NEIL3: variants seen among roughly 807,000 people sequenced by gnomAD.
NEIL3 encodes nei like DNA glycosylase 3, also known as endonuclease 8-like 3.
A neutral mutation model predicts 57.5 loss-of-function variants in NEIL3; 48 were observed. The ratio of observed to expected loss-of-function variants is 0.83; its 90% CI spans 0.66 to 1.06. NEIL3 has a LOEUF of 1.06. Ranked by LOEUF, NEIL3 falls within the 50% of genes least tolerant of loss-of-function variation. The probability of loss-of-function intolerance (pLI) is 0.00; values close to 1 mark genes in which losing one functional copy is unlikely to be tolerated. For synonymous variants in NEIL3, 261 were observed against 253.2 expected (o/e 1.03, Z -0.29); for missense variants, 717 against 739.1 (o/e 0.97, Z 0.35).
At chr4:177,313,919 A>G (rs1734522313) in intron 1 of NEIL3, among the ~76,000 whole-genome samples, 1 of 152,186 alleles carries the variant, frequency 6.6e-6, no homozygotes, top group Non-Finnish European at 1.5e-5. Context: ...GAGAATGTGT[A>G]TATTTTGTTG....
At chr4:177,356,178 CT>C (rs1341348038) in intron 8 of NEIL3, among the ~76,000 whole-genome samples, 1 of 152,120 alleles carries the variant, frequency 6.6e-6, no homozygotes, top group East Asian at 1.9e-4. Context: ...GATGAAATAT[CT>C]TGGCATATTT....
At chr4:177,347,081 G>A (rs1477026451) in intron 6 of NEIL3, among the ~76,000 whole-genome samples, 1 of 152,098 alleles carries the variant, frequency 6.6e-6, no homozygotes, top group Non-Finnish European at 1.5e-5. Context: ...GTGGTGATTA[G>A]TGTTCTCAAG....
At chr4:177,328,891 T>C (rs1578992152) in intron 2 of NEIL3, among the ~76,000 whole-genome samples, 1 of 152,012 alleles carries the variant, frequency 6.6e-6, no homozygotes, top group Admixed American at 6.5e-5. Flanking sequence ...GATAGGAAAA[T>C]GATGGTACAC....
the NEIL3 span, among the ~76,000 whole-genome samples, chr4:177,370,153 A>T: frequency 1.3e-5 from 2 of 152,216 alleles, no homozygotes; most frequent in Non-Finnish European, 2.9e-5. Flanking sequence ...GAGACATCAA[A>T]AATTTAGAAA....
chr4:177,329,062 G>C (rs961943463), intron 2 of NEIL3, among the ~76,000 whole-genome samples: 2 of 152,022 alleles, frequency 1.3e-5, no homozygotes, highest in East Asian at 1.9e-4. Context: ...GTATCACAGT[G>C]TAAGATGTGT....
At chr4:177,348,456 T>C (rs553750965) in intron 6 of NEIL3, among the ~76,000 whole-genome samples, 1 of 152,188 alleles carries the variant, frequency 6.6e-6, no homozygotes, top group South Asian at 2.1e-4. Context: ...TCCTCAAGCC[T>C]CAGGGCAGAG....
At chr4:177,353,932 A>G in intron 8 of NEIL3, 2 of 518,880 alleles carry the variant, frequency 3.9e-6, no homozygotes, top group Non-Finnish European at 3.4e-6. Context: ...GGCCCGACTA[A>G]TTTTTGTATT....
intron 2 of NEIL3, among the ~76,000 whole-genome samples, chr4:177,323,118 C>G (rs866390685): frequency 6.6e-6 from 1 of 152,162 alleles, no homozygotes; most frequent in Non-Finnish European, 1.5e-5. Context: ...CAGAGAAGGA[C>G]TAGCAACCTA....
intron 8 of NEIL3, among the ~76,000 whole-genome samples, chr4:177,357,690 A>C (rs1251682873): frequency 6.6e-6 from 1 of 152,134 alleles, no homozygotes; most frequent in Non-Finnish European, 1.5e-5. Context: ...GCAGGGCCAA[A>C]TCCATCCCAC....
At chr4:177,367,735 A>T (rs1056124831), downstream of NEIL3, among the ~76,000 whole-genome samples, 1 of 152,226 alleles carries the variant, frequency 6.6e-6, no homozygotes, top group Admixed American at 6.5e-5. Context: ...TCACAAGAAT[A>T]TAAAATATTT....
At chr4:177,334,132 T>C (rs1314353507) in intron 2 of NEIL3, among the ~76,000 whole-genome samples, 1 of 148,432 alleles carries the variant, frequency 6.7e-6, no homozygotes, top group African/African-American at 2.5e-5. Context: ...TATGGGCCTA[T>C]GTCCTGGTTT....
chr4:177,316,347 AC>A (rs957606947), intron 1 of NEIL3, among the ~76,000 whole-genome samples: 33 of 151,828 alleles, frequency 2.2e-4, no homozygotes, highest in African/African-American at 7.5e-4. Flanking sequence ...ACACAGAGGA[AC>A]TCCTCCCTAA....
In NEIL3 at chr4:177,360,482, T is replaced by C. The variant is rs35969363; in HGVS notation, c.1461-21T>C. Reference sequence around the variant, plus strand: ...CCTTAGCACTCCTATGCTGTACTTATTTTGTAACCTGTCATTACAGTGAAC... The same window carrying C: ...CCTTAGCACTCCTATGCTGTACTTACTTTGTAACCTGTCATTACAGTGAAC... On this transcript the variant is annotated intron_variant, in intron 8 of 9. Coordinates refer to ENST00000264596, the MANE Select transcript of NEIL3 (RefSeq NM_018248.3). The C allele has an allele frequency of 1.9e-5, 31 of 1,606,358 alleles. No homozygotes were observed. In the East Asian group the frequency reaches 5.8e-4, roughly 30 times the overall value.
At chr4:177,326,649 T>A (rs1734784700) in intron 2 of NEIL3, among the ~76,000 whole-genome samples, 1 of 152,152 alleles carries the variant, frequency 6.6e-6, no homozygotes, top group African/African-American at 2.4e-5. Context: ...TAGGTGATAA[T>A]TCACATGCTA....
downstream of NEIL3, among the ~76,000 whole-genome samples, chr4:177,364,412 CAG>C (rs1459255775): frequency 1.3e-5 from 2 of 152,142 alleles, no homozygotes; most frequent in Admixed American, 6.5e-5. Flanking sequence ...AGAACAAAAA[CAG>C]AATCAAGTAG....
chr4:177,334,938 A>C (rs1161830558), intron 2 of NEIL3, among the ~76,000 whole-genome samples: 1 of 152,212 alleles, frequency 6.6e-6, no homozygotes, highest in Non-Finnish European at 1.5e-5. Context: ...CATGCTAATC[A>C]ATCCTATAAA....
chr4:177,347,552 G>A (rs1421052358), intron 6 of NEIL3, among the ~76,000 whole-genome samples: 2 of 152,194 alleles, frequency 1.3e-5, no homozygotes, highest in Admixed American at 1.3e-4. Context: ...GTTTTCTGAG[G>A]ATGATTTGGG....
At chr4:177,338,032 A>C (rs868209339) in intron 4 of NEIL3, among the ~76,000 whole-genome samples, 1 of 151,834 alleles carries the variant, frequency 6.6e-6, no homozygotes, top group Non-Finnish European at 1.5e-5. Context: ...TCTCACACAC[A>C]CACACACACA....
chr4:177,317,597 C>T (rs140518898), intron 1 of NEIL3, among the ~76,000 whole-genome samples: 248 of 70,062 alleles, frequency 3.5e-3, no homozygotes, highest in Middle Eastern at 0.013. Flanking sequence ...ACTTTCTTTT[C>T]TTTTTTTTTT....
Sources: gnomAD v4.1 joint callset for allele counts (sites outside exome capture counted in the v4.1 genomes callset) on GRCh38, gnomAD v4.1.1 for gene constraint, MANE v1.5 for transcripts, NCBI Gene and HGNC (gene_info 2026-07-23, HGNC 2026-07-21) for gene names.